The following PACSIN2 variants were observed in gnomAD, a reference collection of about 807,000 sequenced individuals.
PACSIN2 encodes protein kinase C and casein kinase substrate in neurons 2.
In PACSIN2, 25 loss-of-function variants were observed where a neutral mutation model predicts 63.8. The ratio of observed to expected loss-of-function variants is 0.39; its 90% confidence interval spans 0.29 to 0.55. The LOEUF is 0.55. PACSIN2 is among the 20% of genes least tolerant of loss of function. The probability of loss-of-function intolerance (pLI) is 0.62; values close to 1 mark genes in which losing one functional copy is unlikely to be tolerated. For synonymous variants in PACSIN2, 255 were observed against 256.2 expected (o/e 1.00, Z 0.05); for missense variants, 518 against 646.9 (o/e 0.80, Z 2.16).
chr22:42,939,236 T>C lies in PACSIN2; in HGVS notation c.-77-27079A>G, dbSNP rs908934861. ...ATCCAGACTTGCCTTGGACTGATTTTTACAGCAATATTTTTTTAGCCTCTG... is the reference window on the plus strand; with the variant it reads ...ATCCAGACTTGCCTTGGACTGATTTCTACAGCAATATTTTTTTAGCCTCTG... On this transcript the variant is annotated intron_variant, in intron 1 of 10. Coordinates refer to ENST00000263246, the MANE Select transcript of PACSIN2 (RefSeq NM_001184970.3). Among the ~76,000 whole-genome samples the C allele has an allele frequency of 5.3e-5, 8 of 152,322 alleles. No homozygotes were observed. The South Asian group carries it at 1.7e-3, about 32-fold the overall frequency.
intron 2 of PACSIN2, among the ~76,000 whole-genome samples, chr22:42,904,064 C>T (rs149446872): frequency 1.3e-5 from 2 of 152,262 alleles, no homozygotes; most frequent in Admixed American, 6.5e-5. Flanking sequence ...ATAGATGACA[C>T]AGAAACCCAG....
intron 2 of PACSIN2, among the ~76,000 whole-genome samples, chr22:42,895,202 G>C (rs900881649): frequency 1.3e-5 from 2 of 152,338 alleles, no homozygotes. Context: ...GCTCCTGTGA[G>C]GAAGTCGGAA....
chr22:42,960,244 A>T (rs1268152005), intron 1 of PACSIN2, among the ~76,000 whole-genome samples: 1 of 152,228 alleles, frequency 6.6e-6, no homozygotes, highest in African/African-American at 2.4e-5. Context: ...CTCTCTCTGC[A>T]TCTGAGGGGC....
At chr22:42,995,788 GCA>G (rs1244187546) in intron 1 of PACSIN2, among the ~76,000 whole-genome samples, 1 of 152,130 alleles carries the variant, frequency 6.6e-6, no homozygotes, top group Non-Finnish European at 1.5e-5. Context: ...CAGTGGCCAG[GCA>G]CAGTGACCCA....
chr22:42,897,966 G>C (rs1018065510), intron 2 of PACSIN2, among the ~76,000 whole-genome samples: 1 of 152,128 alleles, frequency 6.6e-6, no homozygotes, highest in Non-Finnish European at 1.5e-5. Context: ...AGGGAGGGCA[G>C]ATGCTGAGAA....
At chr22:42,960,580 T>C (rs1052172927) in intron 1 of PACSIN2, among the ~76,000 whole-genome samples, 4 of 152,158 alleles carry the variant, frequency 2.6e-5, no homozygotes, top group African/African-American at 7.2e-5. Context: ...AATAAAGCTT[T>C]AGGTGAGGAG....
intron 2 of PACSIN2, among the ~76,000 whole-genome samples, chr22:42,907,980 C>A (rs576402576): frequency 6.6e-6 from 1 of 152,218 alleles, no homozygotes; most frequent in African/African-American, 2.4e-5. Context: ...CTACAGGGAG[C>A]GCCTTCCTGG....
At position 42,925,870 on chromosome 22, in the gene PACSIN2, G is replaced by A. The variant is rs115089835; in HGVS notation, c.-77-13713C>T. 3.1e-3 allele frequency among the ~76,000 whole-genome samples: 465 copies of A among 152,230 alleles called. 1 individual carries two copies. Among genetic ancestry groups the A allele is most frequent in the African/African-American group, 0.011 (446 of 41,528 alleles). On this transcript the variant is annotated intron_variant, in intron 1 of 10. Coordinates refer to ENST00000263246, the MANE Select transcript of PACSIN2 (RefSeq NM_001184970.3). ...CCTGACAACCCAGCTGCGGCCCATG[G>A]GTCCCTGGGCCCTCTATGTCACCAG...
chr22:42,983,338 A>G (rs1408081722), intron 1 of PACSIN2, among the ~76,000 whole-genome samples: 1 of 148,340 alleles, frequency 6.7e-6, no homozygotes, highest in Non-Finnish European at 1.5e-5. Context: ...AAAAAAAAAG[A>G]AACTGGCTGG....
At chr22:42,918,549 T>C (rs942475992) in intron 1 of PACSIN2, among the ~76,000 whole-genome samples, 1 of 152,210 alleles carries the variant, frequency 6.6e-6, no homozygotes, top group Non-Finnish European at 1.5e-5. Context: ...AAGATACAGA[T>C]AATTCAAATC....
intron 1 of PACSIN2, among the ~76,000 whole-genome samples, chr22:42,971,816 G>A (rs1304240351): frequency 6.7e-5 from 10 of 149,700 alleles, no homozygotes; most frequent in African/African-American, 1.5e-4. Flanking sequence ...GGCAGCCCCC[G>A]CCCGGCCAGC....
intron 1 of PACSIN2, among the ~76,000 whole-genome samples, chr22:42,934,972 GTGGCGCAATCT>G (rs1932869110): frequency 4.0e-5 from 6 of 151,516 alleles, no homozygotes; most frequent in Admixed American, 3.3e-4. Flanking sequence ...CTGGAGTGCA[GTGGCGCAATCT>G]CGGCTCACTG....
intron 1 of PACSIN2, among the ~76,000 whole-genome samples, chr22:43,014,025 C>G (rs1296709784): frequency 6.6e-6 from 1 of 152,178 alleles, no homozygotes; most frequent in Non-Finnish European, 1.5e-5. Flanking sequence ...AATAGCACAG[C>G]TTGCTCCCCT....
In PACSIN2 at chr22:42,983,761, A is replaced by AT. The variant is rs556286187; in HGVS notation, c.-78+31259dup. Among the ~76,000 whole-genome samples, 442 of 149,620 alleles carry AT rather than the reference A, an allele frequency of 3.0e-3. 2 individuals carry two copies. The highest frequency in any genetic ancestry group is 5.2e-3 in the Non-Finnish European group (349 of 67,318). On this transcript the variant is annotated intron_variant, in intron 1 of 10. Transcript: ENST00000263246. ...ATAGGAGCACACCATCATGCCTATC[A>AT]TTTTTTTTACATCCCTAAACTATGT...
intron 1 of PACSIN2, among the ~76,000 whole-genome samples, chr22:43,012,158 C>A (rs9611983): frequency 0.043 from 2,756 of 64,452 alleles, 47 homozygotes; most frequent in African/African-American, 0.2. Context: ...TAAATAAATA[C>A]ATACATACAT....
At position 42,955,205 on chromosome 22, in the gene PACSIN2, G is replaced by A. The variant is rs143809628; in HGVS notation, c.-77-43048C>T. On this transcript the variant is annotated intron_variant, in intron 1 of 10. Coordinates refer to ENST00000263246, the MANE Select transcript of PACSIN2 (RefSeq NM_001184970.3). ...CAGAGACCAGAACTCAATCCTAACC[G>A]TCTATGGATCCCTAGAGTCTAGCAC... Among the ~76,000 whole-genome samples the A allele has an allele frequency of 3.9e-5, 6 of 152,276 alleles. No individual in the cohort carries two copies. In the East Asian group the frequency reaches 7.7e-4, roughly 20 times the overall value.
chr22:42,936,969 A>T (rs2146791750), intron 1 of PACSIN2, among the ~76,000 whole-genome samples: 1 of 152,036 alleles, frequency 6.6e-6, no homozygotes, highest in Admixed American at 6.6e-5. Flanking sequence ...ATTTACACCC[A>T]TTGCGAATGC....
chr22:42,878,572 T>C (rs1174700021), intron 8 of PACSIN2, among the ~76,000 whole-genome samples: 4 of 152,228 alleles, frequency 2.6e-5, no homozygotes, highest in African/African-American at 9.6e-5. Context: ...GAAGAGGTAA[T>C]TTGGAAAGGA....
chr22:42,890,811 G>T, intron 4 of PACSIN2, 136 bp downstream of exon 4: 1 of 649,736 alleles, frequency 1.5e-6, no homozygotes. Context: ...AGCCTGAGGA[G>T]TGGCTTCATC....
Sources: allele counts gnomAD v4.1 joint callset (sites outside exome capture counted in the v4.1 genomes callset), GRCh38; gene constraint gnomAD v4.1.1; transcripts MANE v1.5; gene names NCBI Gene and HGNC (gene_info 2026-07-23, HGNC 2026-07-21).